The following SGCZ variants were observed in gnomAD, a reference collection of about 807,000 sequenced individuals.
SGCZ encodes sarcoglycan zeta, also known as zeta-sarcoglycan.
Under a neutral mutation model 41.3 loss-of-function variants are expected in SGCZ, and 40 were observed. The observed-to-expected ratio is 0.97, with a 90% confidence interval of 0.75 to 1.26. SGCZ has a LOEUF of 1.26. SGCZ is among the 50% of genes most tolerant of loss of function. SGCZ has a pLI of 0.00. For synonymous variants in SGCZ, 206 were observed against 137.5 expected, an observed-to-expected ratio of 1.50 and a Z score of -3.49; for missense variants, 552 against 369.8, an observed-to-expected ratio of 1.49 and a Z score of -4.04.
At chr8:14,696,604 C>G (rs985977834) in intron 1 of SGCZ, among the ~76,000 whole-genome samples, 1 of 152,002 alleles carries the variant, frequency 6.6e-6, no homozygotes, top group African/African-American at 2.4e-5. Flanking sequence ...CTTTTATTTT[C>G]AACATTTATC....
Position 14,133,866 on chromosome 8 carries a change from G to A in SGCZ, c.548-25631C>T, listed in dbSNP as rs144919888. On this transcript the variant is annotated intron_variant, in intron 5 of 7. Transcript: ENST00000382080. ...TACCACTACATTATACTGCACTCCA[G>A]TTTTGTGTAACTTATTTCCCTTTTC... Among the ~76,000 whole-genome samples the A allele has an allele frequency of 5.6e-3, 845 of 152,118 alleles. 5 individuals are homozygous for A. Among genetic ancestry groups the A allele is most frequent in the African/African-American group, 0.019 (804 of 41,500 alleles).
At chr8:14,205,029 A>T (rs527262822) in intron 4 of SGCZ, among the ~76,000 whole-genome samples, 1 of 152,118 alleles carries the variant, frequency 6.6e-6, no homozygotes, top group Non-Finnish European at 1.5e-5. Context: ...CTGTCTATCT[A>T]TTTATTATCT....
At chr8:14,933,150 T>C (rs1799967963) in intron 1 of SGCZ, among the ~76,000 whole-genome samples, 1 of 151,930 alleles carries the variant, frequency 6.6e-6, no homozygotes, top group Non-Finnish European at 1.5e-5. Flanking sequence ...ACTACGTCGG[T>C]AACAGCATCA....
chr8:14,109,545 C>T (rs1054524898), intron 5 of SGCZ, among the ~76,000 whole-genome samples: 2 of 151,992 alleles, frequency 1.3e-5, no homozygotes, highest in African/African-American at 2.4e-5. Context: ...ATAAACTATA[C>T]AATGTAATTT....
At chr8:14,282,265 A>T (rs1800472030) in intron 3 of SGCZ, among the ~76,000 whole-genome samples, 1 of 152,126 alleles carries the variant, frequency 6.6e-6, no homozygotes, top group African/African-American at 2.4e-5. Context: ...AATTATCAGA[A>T]ACATTTGTTT....
intron 1 of SGCZ, among the ~76,000 whole-genome samples, chr8:14,616,282 CA>C (rs11306350): frequency 0.34 from 48,233 of 139,930 alleles, 8,005 homozygotes; most frequent in East Asian, 0.62. Flanking sequence ...GACTCTGTCT[CA>C]AAAAAAAAAA....
At chr8:14,429,429 T>C (rs889220590) in intron 2 of SGCZ, among the ~76,000 whole-genome samples, 3 of 151,860 alleles carry the variant, frequency 2.0e-5, no homozygotes, top group Non-Finnish European at 2.9e-5. Context: ...ATTACTGAAA[T>C]AGGAGGAGGC....
At chr8:14,568,718 A>G (rs1280829717) in intron 1 of SGCZ, among the ~76,000 whole-genome samples, 3 of 152,156 alleles carry the variant, frequency 2.0e-5, no homozygotes, top group East Asian at 3.9e-4. Context: ...TTATTGTTGA[A>G]TTCAGTTAAA....
intron 1 of SGCZ, among the ~76,000 whole-genome samples, chr8:15,170,226 T>C (rs1389611711): frequency 2.0e-5 from 3 of 152,194 alleles, no homozygotes; most frequent in Non-Finnish European, 4.4e-5. Context: ...GATCTAAAGT[T>C]TCCTGGCCAC....
chr8:14,102,526 T>C (rs1344567059), intron 6 of SGCZ, 27 bp from the exon 7 acceptor site: 2 of 1,355,842 alleles, frequency 1.5e-6, no homozygotes, highest in South Asian at 2.1e-5. Flanking sequence ...AAATCATTAA[T>C]AGGAAAAAAA....
At chr8:14,141,114 G>C (rs1585172244) in intron 5 of SGCZ, among the ~76,000 whole-genome samples, 1 of 152,172 alleles carries the variant, frequency 6.6e-6, no homozygotes, top group Non-Finnish European at 1.5e-5. Context: ...AAACTGGCTA[G>C]CCATATGTAG....
At chr8:14,817,421 C>T (rs992388089) in intron 1 of SGCZ, among the ~76,000 whole-genome samples, 42 of 152,162 alleles carry the variant, frequency 2.8e-4, no homozygotes, top group Non-Finnish European at 3.7e-4. Flanking sequence ...GGGGCTGCAT[C>T]GCTTCAGAGT....
At chr8:14,929,792 T>G (rs1462366362) in intron 1 of SGCZ, among the ~76,000 whole-genome samples, 2 of 151,936 alleles carry the variant, frequency 1.3e-5, no homozygotes, top group African/African-American at 4.8e-5. Context: ...CACCTTAACA[T>G]TAGAAGGATA....
chr8:15,033,434 C>T (rs1009162381), intron 1 of SGCZ, among the ~76,000 whole-genome samples: 2 of 152,062 alleles, frequency 1.3e-5, no homozygotes, highest in African/African-American at 4.8e-5. Flanking sequence ...TATTCCAGAA[C>T]CAGTCTGGCC....
chr8:14,871,837 T>TGTATGTATATATATGC (rs1804163191), intron 1 of SGCZ, among the ~76,000 whole-genome samples: 1 of 150,982 alleles, frequency 6.6e-6, no homozygotes, highest in Non-Finnish European at 1.5e-5. Flanking sequence ...TATATATATA[T>TGTATGTATATATATGC]ATGTATGTAT....
chr8:15,146,573 T>G (rs1199342219), intron 1 of SGCZ, among the ~76,000 whole-genome samples: 1 of 152,214 alleles, frequency 6.6e-6, no homozygotes, highest in Non-Finnish European at 1.5e-5. Flanking sequence ...AAGAATAGTT[T>G]CAGTAGTGTA....
At chr8:14,719,500 T>G (rs1364417162) in intron 1 of SGCZ, among the ~76,000 whole-genome samples, 1 of 151,680 alleles carries the variant, frequency 6.6e-6, no homozygotes, top group Middle Eastern at 3.2e-3. Flanking sequence ...TTTCTCCACA[T>G]CCTCTCCAGC....
intron 3 of SGCZ, among the ~76,000 whole-genome samples, chr8:14,278,065 A>G (rs112145213): frequency 6.6e-6 from 1 of 152,152 alleles, no homozygotes; most frequent in Admixed American, 6.6e-5. Flanking sequence ...CAGTTCCAAC[A>G]CTCACCTTTC....
chr8:14,644,767 G>C (rs79530074), intron 1 of SGCZ, among the ~76,000 whole-genome samples: 16,297 of 151,578 alleles, frequency 0.11, 1,058 homozygotes, highest in African/African-American at 0.19. Context: ...TTCTTACGTA[G>C]CTAACAAATC....
Sources: gnomAD v4.1 joint callset for allele counts (sites outside exome capture counted in the v4.1 genomes callset) on GRCh38, gnomAD v4.1.1 for gene constraint, MANE v1.5 for transcripts, NCBI Gene and HGNC (gene_info 2026-07-23, HGNC 2026-07-21) for gene names.